RASD2: variants seen among roughly 807,000 people sequenced by gnomAD.
RASD2 encodes the protein RASD family member 2.
A neutral mutation model predicts 15.8 loss-of-function variants in RASD2; 7 were observed. The observed-to-expected ratio is 0.44, with a 90% confidence interval of 0.25 to 0.83. The LOEUF (loss-of-function observed/expected upper bound fraction) is 0.83, where lower values mean the gene tolerates loss of function less well. Ranked by LOEUF, RASD2 falls within the 40% of genes least tolerant of loss-of-function variation. RASD2 has a pLI of 0.20. For missense variants in RASD2, 274 were observed against 382.8 expected (o/e 0.72, Z 2.37); for synonymous variants, 155 against 153.6 (o/e 1.01, Z -0.07).
Position 35,552,491 on chromosome 22 carries a change from A to C in RASD2, c.*459A>C. The C allele has an allele frequency of 6.2e-6, 1 of 162,244 alleles. No homozygotes were observed. The highest frequency in any genetic ancestry group is 5.9e-5 in the Admixed American group (1 of 16,930). The allele number at this position is 162,244 out of a possible 1,614,324, so 10.1% of individuals were successfully genotyped here. On this transcript the variant is annotated 3_prime_UTR_variant, in exon 3 of 3. Coordinates refer to ENST00000216127, the MANE Select transcript of RASD2 (RefSeq NM_014310.4). Reference sequence around the variant, plus strand: ...TGGCAGCTGGGAGAACTTCTCTCCCAGCCCTGCAACTCTTACGCTCTGGTT... The same window carrying C: ...TGGCAGCTGGGAGAACTTCTCTCCCCGCCCTGCAACTCTTACGCTCTGGTT...
the RASD2 span, among the ~76,000 whole-genome samples, chr22:35,534,440 C>A: frequency 6.6e-6 from 1 of 152,174 alleles, no homozygotes; most frequent in Non-Finnish European, 1.5e-5. Context: ...TGCTTCTCCA[C>A]GTAGGGTTGT....
chr22:35,551,623 C>T lies in RASD2; in HGVS notation c.392C>T (p.Ala131Val), dbSNP rs372988119. The T allele has an allele frequency of 4.3e-6, 7 of 1,614,174 alleles. No homozygotes were observed. Among genetic ancestry groups the T allele is most frequent in the South Asian group, 1.1e-5 (1 of 91,076 alleles). ...SCLKNKTKEA[A>V]ELPMVICGNK... is the part of the protein sequence containing the mutation. ...CTGAAGAACAAGACCAAGGAGGCGG[C>T]GGAGCTGCCCATGGTCATCTGTGGC... Residue 131 changes from alanine to valine, a missense_variant, in exon 3 of 3, where the codon GCG (alanine) becomes GTG (valine). Coordinates refer to ENST00000216127, the MANE Select transcript of RASD2 (RefSeq NM_014310.4). The surrounding 1 kb of genome is among the most constrained non-coding windows in gnomAD (Gnocchi z 4.9).
chr22:35,548,133 T>A (rs1440245366), intron 2 of RASD2, among the ~76,000 whole-genome samples: 1 of 151,838 alleles, frequency 6.6e-6, no homozygotes, highest in African/African-American at 2.4e-5. Flanking sequence ...AAGGGGTGAG[T>A]GGAGCTGAGG....
rs758652226 is a variant in RASD2 at position 35,547,091 on chromosome 22, C to T, written c.271+11C>T. The T allele has an allele frequency of 1.4e-4, 229 of 1,607,680 alleles. No individual in the cohort carries two copies. Among genetic ancestry groups the T allele is most frequent in the Non-Finnish European group, 1.3e-4 (157 of 1,175,824 alleles). On this transcript the variant is annotated intron_variant, in intron 2 of 2. Transcript: ENST00000216127. Reference sequence around the variant, plus strand: ...TGTCCATCCTCACAGGTGAGGCCCACTGGTGCCTGGGCTGGGGCGGCAGGG... The same window carrying T: ...TGTCCATCCTCACAGGTGAGGCCCATTGGTGCCTGGGCTGGGGCGGCAGGG...
the RASD2 span, among the ~76,000 whole-genome samples, chr22:35,534,701 G>C: frequency 1.3e-5 from 2 of 152,198 alleles, no homozygotes; most frequent in Non-Finnish European, 2.9e-5. Flanking sequence ...GGTTGTGTAG[G>C]TTGCTTACTG....
At chr22:35,536,413 C>T (rs767704218), upstream of RASD2, among the ~76,000 whole-genome samples, 5 of 152,024 alleles carry the variant, frequency 3.3e-5, no homozygotes, top group Non-Finnish European at 5.9e-5. Context: ...GCAAGCTCCG[C>T]CTCCAGGGTT....
Position 35,551,550 on chromosome 22 carries a change from G to A in RASD2, c.319G>A (p.Asp107Asn), listed in dbSNP as rs1451310997. 3.1e-6 allele frequency: 5 copies of A among 1,613,640 alleles called. No homozygotes were observed. The highest frequency in any genetic ancestry group is 4.2e-6 in the Non-Finnish European group (5 of 1,179,744). ...VFSLDNRESF[D>N]EVKRLQKQIL... Reference sequence around the variant, plus strand: ...CAGCCTGGATAACCGGGAGTCCTTCGATGAGGTCAAGCGCCTTCAGAAGCA... The same window carrying A: ...CAGCCTGGATAACCGGGAGTCCTTCAATGAGGTCAAGCGCCTTCAGAAGCA... Residue 107 changes from aspartate (D) to asparagine (N), a missense_variant, in exon 3 of 3, where the codon GAT becomes AAT. Physicochemically the swap from Asp to Asn is conservative, Grantham distance 23 (BLOSUM62 1). Coordinates refer to ENST00000216127, the MANE Select transcript of RASD2 (RefSeq NM_014310.4). The surrounding 1 kb of genome is among the most constrained non-coding windows in gnomAD (Gnocchi z 4.9).
At chr22:35,542,946 C>T (rs934641418) in intron 1 of RASD2, among the ~76,000 whole-genome samples, 19 of 152,170 alleles carry the variant, frequency 1.2e-4, no homozygotes, top group Admixed American at 4.6e-4. Flanking sequence ...CGGCGTCATC[C>T]CCCCGCCTGA....
At chr22:35,539,106 G>C (rs1348522312), upstream of RASD2, among the ~76,000 whole-genome samples, 1 of 152,140 alleles carries the variant, frequency 6.6e-6, no homozygotes, top group Non-Finnish European at 1.5e-5. Context: ...TAACTTTCCT[G>C]GAGAATCTCA....
At chr22:35,536,656 G>C (rs902888334), upstream of RASD2, among the ~76,000 whole-genome samples, 1 of 152,168 alleles carries the variant, frequency 6.6e-6, no homozygotes, top group Non-Finnish European at 1.5e-5. Context: ...AGGAAGGCTG[G>C]GCCACATGAC....
At chr22:35,541,588 T>G (rs1160204662) in intron 1 of RASD2, 88 bp downstream of exon 1, 1 of 152,264 alleles carries the variant, frequency 6.6e-6, no homozygotes, top group Non-Finnish European at 1.5e-5. Flanking sequence ...GAAAGCTCAG[T>G]GATTCCTTAG....
chr22:35,545,895 T>C (rs974872211), intron 1 of RASD2, among the ~76,000 whole-genome samples: 1 of 152,086 alleles, frequency 6.6e-6, no homozygotes, highest in Non-Finnish European at 1.5e-5. Flanking sequence ...TGGTGGAGCC[T>C]GCGGGTTTGC....
Position 35,551,920 on chromosome 22 carries a change from T to G in RASD2, c.689T>G (p.Met230Arg). The G allele has an allele frequency of 6.2e-7, 1 of 1,611,202 alleles. No homozygotes were observed. Among genetic ancestry groups the G allele is most frequent in the Non-Finnish European group, 8.5e-7 (1 of 1,180,018 alleles). Residue 230 changes from methionine to arginine, a missense_variant, in exon 3 of 3, where the codon ATG becomes AGG. Met to Arg is a moderately conservative substitution (Grantham distance 91). Transcript: ENST00000216127. The surrounding 1 kb of genome is among the most constrained non-coding windows in gnomAD (Gnocchi z 4.9). Reference sequence around the variant, plus strand: ...GTCAAGGAGATGGACGCCTATGGCATGGTCTCGCCCTTCGCCCGCCGCCCC... The same window carrying G: ...GTCAAGGAGATGGACGCCTATGGCAGGGTCTCGCCCTTCGCCCGCCGCCCC... Reference protein sequence around the residue: ...RRVKEMDAYGMVSPFARRPSV... With the variant: ...RRVKEMDAYGRVSPFARRPSV...
Position 35,552,225 on chromosome 22 carries a change from C to A in RASD2, c.*193C>A. 1 of 677,236 alleles carries A rather than the reference C, an allele frequency of 1.5e-6. No homozygotes were observed. Among genetic ancestry groups the A allele is most frequent in the Non-Finnish European group, 2.4e-6 (1 of 409,924 alleles). The allele number at this position is 677,236 out of a possible 1,614,324, so 42.0% of individuals were successfully genotyped here. On this transcript the variant is annotated 3_prime_UTR_variant, in exon 3 of 3. Coordinates refer to ENST00000216127, the MANE Select transcript of RASD2 (RefSeq NM_014310.4). The stretch of plus-strand genomic sequence containing the variant: ...CACAGCTTTCCTGAGTCCGCTTGTC[C>A]ACAGCTCCTTGGTGGTTTCATCTCC...
chr22:35,536,921 A>G (rs764033280), upstream of RASD2, among the ~76,000 whole-genome samples: 1 of 152,128 alleles, frequency 6.6e-6, no homozygotes, highest in Non-Finnish European at 1.5e-5. Context: ...TACTTAGGGG[A>G]GCTTTAAACC....
chr22:35,534,212 C>T, the RASD2 span, among the ~76,000 whole-genome samples: 9 of 152,312 alleles, frequency 5.9e-5, no homozygotes, highest in Non-Finnish European at 1.3e-4. Context: ...CCTGTAAAAC[C>T]GAAACAAGAA....
intron 2 of RASD2, among the ~76,000 whole-genome samples, chr22:35,548,658 GCTGGCTTTTCCGAGCAT>G (rs1322767283): frequency 1.3e-5 from 2 of 152,218 alleles, no homozygotes; most frequent in East Asian, 3.8e-4. Flanking sequence ...TCTCTTCCAG[GCTGGCTTTTCCGAGCAT>G]CTGACCCAGA....
At chr22:35,547,128 G>C (rs1287959180) in intron 2 of RASD2, 48 bp downstream of exon 2, 1 of 1,560,314 alleles carries the variant, frequency 6.4e-7, no homozygotes, top group Non-Finnish European at 8.7e-7. Flanking sequence ...CAGGGCATGG[G>C]TGCGGAGTGT....
At chr22:35,550,897 C>T (rs1268811607) in intron 2 of RASD2, among the ~76,000 whole-genome samples, 1 of 152,194 alleles carries the variant, frequency 6.6e-6, no homozygotes, top group Non-Finnish European at 1.5e-5. Flanking sequence ...CAGTGCTTAG[C>T]CCCCAGTAGG....
Sources: allele counts gnomAD v4.1 joint callset (sites outside exome capture counted in the v4.1 genomes callset), GRCh38; gene constraint gnomAD v4.1.1; non-coding constraint Gnocchi (gnomAD v3.1); transcripts MANE v1.5; gene names NCBI Gene and HGNC (gene_info 2026-07-23, HGNC 2026-07-21).